The following CSMD2 variants were observed in gnomAD, a reference collection of about 807,000 sequenced individuals.
The protein encoded by CSMD2 is CUB and Sushi multiple domains 2.
Under a neutral mutation model 398.5 loss-of-function variants are expected in CSMD2, and 130 were observed. The ratio of observed to expected loss-of-function variants is 0.33; its 90% CI spans 0.28 to 0.38. CSMD2 has a LOEUF of 0.38. CSMD2 is among the 10% of genes least tolerant of loss of function. The pLI, the probability that CSMD2 is intolerant of heterozygous loss-of-function variation, is 1.00. For missense variants in CSMD2, 3,829 were observed against 4,764.9 expected, an observed-to-expected ratio of 0.80 and a Z score of 5.78; for synonymous variants, 1,828 against 1,908.5, an observed-to-expected ratio of 0.96 and a Z score of 1.10.
intron 10 of CSMD2, among the ~76,000 whole-genome samples, chr1:33,798,290 TAAAC>T (rs1483942836): frequency 1.3e-5 from 2 of 152,154 alleles, no homozygotes; most frequent in Non-Finnish European, 2.9e-5. Flanking sequence ...GATAAATGAA[TAAAC>T]AAACCCATCA....
At chr1:34,079,463 T>A (rs1196524284) in intron 2 of CSMD2, among the ~76,000 whole-genome samples, 2 of 152,112 alleles carry the variant, frequency 1.3e-5, no homozygotes, top group Non-Finnish European at 2.9e-5. Flanking sequence ...CCATTCACAA[T>A]AGCATCAAAA....
In CSMD2 at chr1:34,076,984, C is replaced by A. The variant is rs189827898; in HGVS notation, c.404+11993G>T. Among the ~76,000 whole-genome samples the A allele has an allele frequency of 2.1e-3, 292 of 136,864 alleles. 1 individual carries two copies. Among genetic ancestry groups the A allele is most frequent in the African/African-American group, 7.5e-3 (268 of 35,852 alleles). The allele number at this position is 136,864 out of a possible 152,430, so 89.8% of individuals were successfully genotyped here. A position where few individuals can be genotyped will look rare whatever the true frequency, so the allele number is the denominator to read the frequency against. ...AAGGCTTGACTCCCATGACTCCCAG[C>A]CTTAAGGAGCTTAGAATCTAATAGG... On this transcript the variant is annotated intron_variant, in intron 2 of 70. Transcript: ENST00000373381.
At chr1:33,648,547 C>G (rs1643585762) in intron 28 of CSMD2, among the ~76,000 whole-genome samples, 1 of 152,100 alleles carries the variant, frequency 6.6e-6, no homozygotes, top group Non-Finnish European at 1.5e-5. Context: ...AAAAGTGGAG[C>G]AAAGGTCAAG....
At chr1:33,909,760 G>A (rs911217) in intron 5 of CSMD2, among the ~76,000 whole-genome samples, 3,897 of 152,296 alleles carry the variant, frequency 0.026, 167 homozygotes, top group African/African-American at 0.087. Flanking sequence ...GCTTTCAGGT[G>A]TAGCTGTTGA....
chr1:34,153,730 G>A (rs1303309297), intron 1 of CSMD2, among the ~76,000 whole-genome samples: 1 of 152,190 alleles, frequency 6.6e-6, no homozygotes, highest in Non-Finnish European at 1.5e-5. Context: ...TAGGATGTGG[G>A]GGCCCAGGAT....
intron 2 of CSMD2, among the ~76,000 whole-genome samples, chr1:34,053,860 C>T (rs899155187): frequency 9.2e-5 from 14 of 152,120 alleles, no homozygotes; most frequent in Non-Finnish European, 2.1e-4. Context: ...CACAATAAGA[C>T]CCATTGATTA....
At chr1:33,744,833 C>T (rs1647218128) in intron 13 of CSMD2, among the ~76,000 whole-genome samples, 1 of 152,092 alleles carries the variant, frequency 6.6e-6, no homozygotes, top group South Asian at 2.1e-4. Context: ...ATTGTTGAGG[C>T]TTCATGGAAT....
intron 1 of CSMD2, among the ~76,000 whole-genome samples, chr1:34,116,804 A>G (rs1661647773): frequency 6.6e-6 from 1 of 152,130 alleles, no homozygotes; most frequent in Non-Finnish European, 1.5e-5. Flanking sequence ...TTTTCCAACT[A>G]TAAAGGAATA....
At position 33,834,524 on chromosome 1, in the gene CSMD2, G is replaced by A. The variant is rs1660006670; in HGVS notation, c.1034-8750C>T. On this transcript the variant is annotated intron_variant, in intron 6 of 70. Transcript: ENST00000373381. Reference sequence around the variant, plus strand: ...TCCAAGATGGATTAAAGACTTAAACGTTAGACCTAAAACCATAAAAACCCT... The same window carrying A: ...TCCAAGATGGATTAAAGACTTAAACATTAGACCTAAAACCATAAAAACCCT... Among the ~76,000 whole-genome samples the A allele has an allele frequency of 3.9e-5, 2 of 51,526 alleles. 1 individual carries two copies. The highest frequency in any genetic ancestry group is 5.2e-4 in the Admixed American group (2 of 3,818). The allele number at this position is 51,526 out of a possible 152,430, so 33.8% of individuals were successfully genotyped here. A position where few individuals can be genotyped will look rare whatever the true frequency, so the allele number is the denominator to read the frequency against.
rs547387614 is a variant in CSMD2 at position 33,792,729 on chromosome 1, G to C, written c.1447-203C>G. ...GGCCATGCAGTCTCCAGGGCCCCCT[G>C]ATGTTTCTGAAGATGTTCATAGCAC... is the stretch of plus-strand genomic sequence containing the variant. On this transcript the variant is annotated intron_variant, in intron 10 of 70. Transcript: ENST00000373381. 2.0e-5 allele frequency among the ~76,000 whole-genome samples: 3 copies of C among 152,300 alleles called. No individual in the cohort carries two copies. In the East Asian group the frequency reaches 5.8e-4, roughly 29 times the overall value.
intron 3 of CSMD2, among the ~76,000 whole-genome samples, chr1:34,025,245 A>G (rs1306779005): frequency 6.7e-6 from 1 of 149,754 alleles, no homozygotes; most frequent in East Asian, 1.9e-4. Flanking sequence ...TGGTAGCAAA[A>G]GCATACCAGG....
intron 5 of CSMD2, among the ~76,000 whole-genome samples, chr1:33,890,392 G>A (rs908947294): frequency 5.9e-5 from 9 of 151,898 alleles, no homozygotes; most frequent in African/African-American, 2.2e-4. Context: ...CACCACGCCT[G>A]GCTAATTTTT....
intron 52 of CSMD2, among the ~76,000 whole-genome samples, chr1:33,568,270 G>A (rs1016892161): frequency 5.5e-5 from 8 of 146,720 alleles, no homozygotes; most frequent in Admixed American, 2.8e-4. Context: ...TCACTGCAAT[G>A]TCCACCTCCT....
chr1:34,104,404 A>G (rs901056308), intron 1 of CSMD2, among the ~76,000 whole-genome samples: 4 of 152,202 alleles, frequency 2.6e-5, no homozygotes, highest in African/African-American at 9.7e-5. Context: ...TGGCAGGAAA[A>G]TTCAATTCAA....
intron 5 of CSMD2, among the ~76,000 whole-genome samples, chr1:33,904,454 C>T (rs985736581): frequency 1.3e-5 from 2 of 152,158 alleles, no homozygotes; most frequent in Non-Finnish European, 1.5e-5. Context: ...AAAGAAATGA[C>T]GGCCCATCTC....
At chr1:33,830,690 C>G (rs1029595530) in intron 6 of CSMD2, among the ~76,000 whole-genome samples, 13 of 152,096 alleles carry the variant, frequency 8.5e-5, no homozygotes, top group Admixed American at 7.2e-4. Flanking sequence ...AGAGAAGAAG[C>G]CTTCAGATGA....
chr1:33,861,791 C>T (rs112902032), intron 5 of CSMD2, among the ~76,000 whole-genome samples: 1,994 of 152,222 alleles, frequency 0.013, 53 homozygotes, highest in African/African-American at 0.045. Flanking sequence ...AGAAAGGGGG[C>T]AATGCCTGTA....
At chr1:33,817,194 G>C (rs1332526948) in intron 9 of CSMD2, among the ~76,000 whole-genome samples, 2 of 152,078 alleles carry the variant, frequency 1.3e-5, no homozygotes, top group African/African-American at 4.8e-5. Flanking sequence ...GGGCCTTCAG[G>C]GAAGCCCAGG....
At chr1:34,118,248 G>C (rs907003769) in intron 1 of CSMD2, among the ~76,000 whole-genome samples, 2 of 151,850 alleles carry the variant, frequency 1.3e-5, no homozygotes, top group Non-Finnish European at 2.9e-5. Context: ...CAACAAACTA[G>C]GAATAGAAAG....
Sources: gnomAD v4.1 joint callset for allele counts (sites outside exome capture counted in the v4.1 genomes callset) on GRCh38, gnomAD v4.1.1 for gene constraint, MANE v1.5 for transcripts, NCBI Gene and HGNC (gene_info 2026-07-23, HGNC 2026-07-21) for gene names.